VWA8: variants seen among roughly 807,000 people sequenced by gnomAD.
VWA8 encodes von Willebrand factor A domain-containing protein 8.
VWA8 carries 221 observed loss-of-function variants against 241.5 expected under a neutral mutation model. The ratio of observed to expected loss-of-function variants is 0.91; its 90% CI spans 0.82 to 1.02. The LOEUF is 1.02. Ranked by LOEUF, VWA8 falls within the 50% of genes least tolerant of loss-of-function variation. The pLI is 0.00. For missense variants in VWA8, 2,322 were observed against 2,328.7 expected, an observed-to-expected ratio of 1.00 and a Z score of 0.06; for synonymous variants, 852 against 827.1, an observed-to-expected ratio of 1.03 and a Z score of -0.52.
chr13:41,729,443 C>A, intron 23 of VWA8, 99 bp downstream of exon 23: 2 of 1,215,804 alleles, frequency 1.6e-6, no homozygotes, highest in Non-Finnish European at 2.2e-6. Flanking sequence ...TGAACTTATG[C>A]TTATTATTGT....
chr13:41,714,787 A>G (rs2045338217), intron 26 of VWA8, among the ~76,000 whole-genome samples: 1 of 151,952 alleles, frequency 6.6e-6, no homozygotes, highest in African/African-American at 2.4e-5. Flanking sequence ...AACTATGGCT[A>G]AAATCCAAGC....
chr13:41,907,099 T>C (rs1875755452), intron 4 of VWA8, among the ~76,000 whole-genome samples: 1 of 152,202 alleles, frequency 6.6e-6, no homozygotes, highest in Admixed American at 6.5e-5. Context: ...TTCATTATAA[T>C]GTTCATAAAA....
At chr13:41,750,889 A>T (rs1411737123) in intron 21 of VWA8, among the ~76,000 whole-genome samples, 1 of 151,582 alleles carries the variant, frequency 6.6e-6, no homozygotes. Flanking sequence ...TATTTGATAA[A>T]AAAAAAAAAA....
intron 21 of VWA8, among the ~76,000 whole-genome samples, chr13:41,742,204 T>C (rs1459507596): frequency 6.6e-6 from 1 of 152,174 alleles, no homozygotes; most frequent in Non-Finnish European, 1.5e-5. Context: ...CAATCATCTA[T>C]CCATTTCAGA....
chr13:41,787,178 T>G (rs1265143271), intron 18 of VWA8, among the ~76,000 whole-genome samples: 2 of 145,528 alleles, frequency 1.4e-5, no homozygotes, highest in Non-Finnish European at 3.0e-5. Flanking sequence ...AGAGTATCAA[T>G]TAGTATCAAT....
chr13:41,789,154 G>A (rs1869338493), intron 17 of VWA8, among the ~76,000 whole-genome samples: 1 of 152,148 alleles, frequency 6.6e-6, no homozygotes, highest in African/African-American at 2.4e-5. Flanking sequence ...TCCAACAAAT[G>A]AGGAAAATGG....
intron 21 of VWA8, among the ~76,000 whole-genome samples, chr13:41,758,195 G>A (rs548379520): frequency 4.6e-5 from 7 of 151,056 alleles, no homozygotes; most frequent in African/African-American, 1.7e-4. Flanking sequence ...ACAGCCATCA[G>A]CAAGTTAGAA....
At chr13:41,773,085 A>G (rs117506614) in intron 20 of VWA8, among the ~76,000 whole-genome samples, 83 of 152,346 alleles carry the variant, frequency 5.4e-4, no homozygotes, top group Non-Finnish European at 8.2e-4. Context: ...ATGCTTTAGA[A>G]GGAGAAAGAA....
intron 37 of VWA8, among the ~76,000 whole-genome samples, chr13:41,623,303 A>G (rs1349024654): frequency 6.6e-5 from 10 of 152,198 alleles, no homozygotes; most frequent in Non-Finnish European, 1.0e-4. Flanking sequence ...AGAAGGCTGG[A>G]AGAGTCTATG....
chr13:41,886,435 C>T (rs1395635495), intron 7 of VWA8, among the ~76,000 whole-genome samples: 1 of 152,040 alleles, frequency 6.6e-6, no homozygotes, highest in Non-Finnish European at 1.5e-5. Context: ...TTTCTTGATT[C>T]CACTCTCTAT....
At chr13:41,657,589 A>C (rs2044916671) in intron 37 of VWA8, among the ~76,000 whole-genome samples, 1 of 149,012 alleles carries the variant, frequency 6.7e-6, no homozygotes, top group Admixed American at 6.8e-5. Flanking sequence ...TCCCGGGTTC[A>C]CGCCATTCTC....
chr13:41,766,412 A>G (rs1324890642), intron 20 of VWA8, among the ~76,000 whole-genome samples: 5 of 152,190 alleles, frequency 3.3e-5, no homozygotes, highest in Admixed American at 3.3e-4. Flanking sequence ...TGGGATTTGG[A>G]CTAAATGTTG....
At chr13:41,864,009 G>A (rs1019518419) in intron 12 of VWA8, among the ~76,000 whole-genome samples, 3 of 151,946 alleles carry the variant, frequency 2.0e-5, no homozygotes, top group Non-Finnish European at 4.4e-5. Context: ...TCTCGAATAG[G>A]TATTTCTCCA....
chr13:41,623,539 A>G (rs922112785), intron 37 of VWA8, among the ~76,000 whole-genome samples: 4 of 152,226 alleles, frequency 2.6e-5, no homozygotes, highest in Admixed American at 1.3e-4. Flanking sequence ...TCCTACTTCT[A>G]ACGAGACATG....
At chr13:41,796,115 A>G (rs1011886956) in intron 17 of VWA8, among the ~76,000 whole-genome samples, 1 of 152,122 alleles carries the variant, frequency 6.6e-6, no homozygotes, top group Non-Finnish European at 1.5e-5. Context: ...TTTTACTCAG[A>G]ATGTTTGCAT....
At chr13:41,706,754 C>CAA (rs2045285357) in intron 26 of VWA8, among the ~76,000 whole-genome samples, 1 of 152,168 alleles carries the variant, frequency 6.6e-6, no homozygotes, top group African/African-American at 2.4e-5. Context: ...CTATGTCATC[C>CAA]AACTCTGACC....
At chr13:41,679,000 T>C (rs1375190147) in intron 35 of VWA8, among the ~76,000 whole-genome samples, 2 of 152,184 alleles carry the variant, frequency 1.3e-5, no homozygotes, top group Non-Finnish European at 2.9e-5. Context: ...AACAGAATAC[T>C]TGACTGAATT....
chr13:41,663,164 T>G (rs2044963429), intron 37 of VWA8, among the ~76,000 whole-genome samples: 1 of 152,130 alleles, frequency 6.6e-6, no homozygotes, highest in Admixed American at 6.6e-5. Flanking sequence ...TATTCAGAAC[T>G]GGAATCCTTG....
intron 42 of VWA8, among the ~76,000 whole-genome samples, chr13:41,585,263 G>A (rs114125743): frequency 6.6e-6 from 1 of 152,238 alleles, no homozygotes; most frequent in African/African-American, 2.4e-5. Context: ...GAAATACTCA[G>A]CCTGCTGCGT....
Sources: gnomAD v4.1 joint callset for allele counts (sites outside exome capture counted in the v4.1 genomes callset) on GRCh38, gnomAD v4.1.1 for gene constraint, MANE v1.5 for transcripts, NCBI Gene and HGNC (gene_info 2026-07-23, HGNC 2026-07-21) for gene names.